The following VGLL3 variants were observed in gnomAD, a reference collection of about 807,000 sequenced individuals.
VGLL3 encodes transcription cofactor vestigial-like protein 3.
In VGLL3, 18 loss-of-function variants were observed where a neutral mutation model predicts 29.2. The observed-to-expected ratio is 0.62, with a 90% CI of 0.43 to 0.91. The LOEUF is 0.91. VGLL3 is among the 40% of genes least tolerant of loss of function. The pLI, the probability that VGLL3 is intolerant of heterozygous loss-of-function variation, is 0.00. For missense variants in VGLL3, 440 were observed against 413.2 expected, an observed-to-expected ratio of 1.06 and a Z score of -0.56; for synonymous variants, 180 against 151.8, an observed-to-expected ratio of 1.19 and a Z score of -1.36.
Position 86,939,209 on chromosome 3 carries a change from G to A in VGLL3, c.*7815C>T, listed in dbSNP as rs549306030. 1 of 152,286 alleles carries A rather than the reference G, an allele frequency of 6.6e-6. No individual in the cohort carries two copies. Among genetic ancestry groups the A allele is most frequent in the South Asian group, 2.1e-4 (1 of 4,822 alleles). The allele number at this position is 152,286 out of a possible 1,614,324, so 9.4% of individuals were successfully genotyped here. Reference sequence around the variant, plus strand: ...GTGAAATAGTCCTTCTCGATTACAAGAGTGATAGAAAATGATGGAAGTCCA... The same window carrying A: ...GTGAAATAGTCCTTCTCGATTACAAAAGTGATAGAAAATGATGGAAGTCCA... On this transcript the variant is annotated 3_prime_UTR_variant, in exon 4 of 4. Transcript: ENST00000398399.
rs982247226 is a variant in VGLL3, at chr3:86,939,938, G to A, written c.*7086C>T. ...TAAGATCTTTGCTGAATGTCTGACT[G>A]ACAGAGCTGTAAGATAATAAATTTG... On this transcript the variant is annotated 3_prime_UTR_variant, in exon 4 of 4. Transcript: ENST00000398399. 1.3e-5 allele frequency: 2 copies of A among 152,112 alleles called. No homozygotes were observed. The highest frequency in any genetic ancestry group is 2.4e-5 in the African/African-American group (1 of 41,412). 9.4% of individuals were successfully genotyped at this position (152,112 alleles called of 1,614,324 possible). A position where few individuals can be genotyped will look rare whatever the true frequency, so the allele number is the denominator to read the frequency against.
At position 86,963,227 on chromosome 3, in the gene VGLL3, T is replaced by A. The variant is rs1170441644; in HGVS notation, c.937+5363A>T. On this transcript the variant is annotated intron_variant, in intron 3 of 3. Transcript: ENST00000398399. Reference sequence around the variant, plus strand: ...TCAAATGCATAAACAAAATGTGGTATTATCCACCCAATGAAATCGTACCTA... The same window carrying A: ...TCAAATGCATAAACAAAATGTGGTAATATCCACCCAATGAAATCGTACCTA... Among the ~76,000 whole-genome samples, 9 of 152,306 alleles carry A rather than the reference T, an allele frequency of 5.9e-5. No homozygotes were observed. The South Asian group carries it at 1.9e-3, about 32-fold the overall frequency.
At chr3:86,956,259 T>C (rs1034427736) in intron 3 of VGLL3, among the ~76,000 whole-genome samples, 5 of 152,230 alleles carry the variant, frequency 3.3e-5, no homozygotes, top group African/African-American at 7.2e-5. Flanking sequence ...GATAAGAACC[T>C]GACCACTGAA....
chr3:86,988,522 T>C (rs573718392), intron 1 of VGLL3, among the ~76,000 whole-genome samples: 97 of 150,044 alleles, frequency 6.5e-4, no homozygotes, highest in African/African-American at 2.3e-3. Context: ...TCTTTTCCAA[T>C]AGAAAATGTA....
chr3:86,952,171 A>G (rs13092192), intron 3 of VGLL3, among the ~76,000 whole-genome samples: 89,617 of 152,062 alleles, frequency 0.59, 30,638 homozygotes, highest in Non-Finnish European at 0.74. Flanking sequence ...CTTTCAACTC[A>G]AATGGGATTT....
chr3:86,986,733 G>A (rs1705450233), intron 1 of VGLL3, among the ~76,000 whole-genome samples: 1 of 152,084 alleles, frequency 6.6e-6, no homozygotes, highest in Non-Finnish European at 1.5e-5. Flanking sequence ...TAATAGATGA[G>A]ACACTTAACT....
At chr3:86,990,375 C>G (rs887465473) in intron 1 of VGLL3, 2 of 985,264 alleles carry the variant, frequency 2.0e-6, no homozygotes, top group African/African-American at 1.7e-5. Flanking sequence ...GGAGGAGCAG[C>G]CTCTGAGCTC....
In VGLL3 at chr3:86,990,647, A is replaced by T; in HGVS notation, c.97T>A (p.Tyr33Asn). ...MAATTCPTAY[Y>N]QPAPQPGQQK... ...TGGCCAGGTTGGGGCGCCGGCTGAT[A>T]GTAGGCTGTGGGGCAGGTTGTCGCT... Residue 33 changes from tyrosine (Y) to asparagine (N), a missense_variant, in exon 1 of 4, where the codon TAT becomes AAT. Physicochemically the swap from Tyr to Asn is moderately radical, Grantham distance 143. Transcript: ENST00000398399. 2.2e-6 allele frequency: 3 copies of T among 1,387,402 alleles called. No individual in the cohort carries two copies. The highest frequency in any genetic ancestry group is 2.8e-6 in the Non-Finnish European group (3 of 1,065,118). 85.9% of individuals were successfully genotyped at this position (1,387,402 alleles called of 1,614,324 possible). A position where few individuals can be genotyped will look rare whatever the true frequency, so the allele number is the denominator to read the frequency against.
chr3:86,971,668 C>T (rs1705104852), intron 2 of VGLL3, among the ~76,000 whole-genome samples: 1 of 152,124 alleles, frequency 6.6e-6, no homozygotes, highest in Non-Finnish European at 1.5e-5. Flanking sequence ...ATGAAAAATA[C>T]TATTAATGAC....
intron 1 of VGLL3, among the ~76,000 whole-genome samples, chr3:86,989,640 A>C (rs1165866467): frequency 6.6e-6 from 1 of 152,160 alleles, no homozygotes; most frequent in Non-Finnish European, 1.5e-5. Context: ...TATGGATGGT[A>C]ATTTCCTAAC....
intron 2 of VGLL3, among the ~76,000 whole-genome samples, chr3:86,972,179 G>T (rs1705115547): frequency 6.6e-6 from 1 of 152,082 alleles, no homozygotes; most frequent in Non-Finnish European, 1.5e-5. Context: ...AATATTATTG[G>T]TCTATTTATG....
intron 2 of VGLL3, among the ~76,000 whole-genome samples, chr3:86,975,795 G>A (rs985753029): frequency 1.3e-5 from 2 of 152,070 alleles, no homozygotes; most frequent in African/African-American, 4.8e-5. Flanking sequence ...GGTATATGCT[G>A]ATAAACTGAT....
intron 3 of VGLL3, among the ~76,000 whole-genome samples, chr3:86,953,345 G>A (rs571707502): frequency 7.9e-5 from 12 of 152,014 alleles, no homozygotes; most frequent in African/African-American, 2.7e-4. Flanking sequence ...CTTTTGGAGG[G>A]CTGCACAATA....
Position 86,990,990 on chromosome 3 carries a change from T to G in VGLL3, c.-247A>C. On this transcript the variant is annotated 5_prime_UTR_variant, in exon 1 of 4. Coordinates refer to ENST00000398399, the MANE Select transcript of VGLL3 (RefSeq NM_016206.4). ...CCCCTCCGGATGTTCCCTGCCGCGCTTATATAGCGGCTCAGGGACGCAGCC... is the reference window on the plus strand; with the variant it reads ...CCCCTCCGGATGTTCCCTGCCGCGCGTATATAGCGGCTCAGGGACGCAGCC... 1.0e-6 allele frequency: 1 copy of G among 988,434 alleles called. No homozygotes were observed. The highest frequency in any genetic ancestry group is 8.8e-5 in the East Asian group (1 of 11,326). 61.2% of individuals were successfully genotyped at this position (988,434 alleles called of 1,614,324 possible). A position where few individuals can be genotyped will look rare whatever the true frequency, so the allele number is the denominator to read the frequency against.
intron 1 of VGLL3, among the ~76,000 whole-genome samples, chr3:86,985,695 G>C (rs1280603937): frequency 1.3e-5 from 2 of 152,170 alleles, no homozygotes; most frequent in Non-Finnish European, 2.9e-5. Context: ...GTTCAGAGCA[G>C]AGCTTAGCTC....
chr3:86,948,519 T>C (rs1418004949), intron 3 of VGLL3, among the ~76,000 whole-genome samples: 1 of 152,076 alleles, frequency 6.6e-6, no homozygotes, highest in Non-Finnish European at 1.5e-5. Context: ...TAGAAGGAGA[T>C]ATACATATGT....
rs144973450 is a variant in VGLL3 at position 86,955,217 on chromosome 3, A to C, written c.938-8150T>G. Among the ~76,000 whole-genome samples, 62 of 152,318 alleles carry C rather than the reference A, an allele frequency of 4.1e-4. 2 individuals are homozygous for C. In the East Asian group the frequency reaches 0.01, roughly 26 times the overall value. On this transcript the variant is annotated intron_variant, in intron 3 of 3. Coordinates refer to ENST00000398399, the MANE Select transcript of VGLL3 (RefSeq NM_016206.4). ...TCCAAAATTTTCAAAAGACGCTTAG[A>C]AACTGCTGAAATATACTTGCATTTT...
intron 1 of VGLL3, 147 bp downstream of exon 1, chr3:86,990,471 G>C (rs1212171600): frequency 1.6e-5 from 20 of 1,240,652 alleles, no homozygotes; most frequent in African/African-American, 4.7e-5. Flanking sequence ...CGGCTCTCTC[G>C]GGATGGCTTT....
At chr3:86,951,805 G>A (rs550436652) in intron 3 of VGLL3, among the ~76,000 whole-genome samples, 2 of 151,880 alleles carry the variant, frequency 1.3e-5, no homozygotes, top group Non-Finnish European at 2.9e-5. Flanking sequence ...GAATTCTGGG[G>A]TCCTGTCAGT....
Sources: gnomAD v4.1 joint callset for allele counts (sites outside exome capture counted in the v4.1 genomes callset) on GRCh38, gnomAD v4.1.1 for gene constraint, MANE v1.5 for transcripts, NCBI Gene and HGNC (gene_info 2026-07-23, HGNC 2026-07-21) for gene names.